NDUFA10: variants seen among roughly 807,000 people sequenced by gnomAD.
NDUFA10 encodes NADH dehydrogenase [ubiquinone] 1 alpha subcomplex subunit 10, mitochondrial.
NDUFA10 carries 40 observed loss-of-function variants against 47.8 expected under a neutral mutation model. The ratio of observed to expected loss-of-function variants is 0.84; its 90% confidence interval spans 0.65 to 1.09. The LOEUF (loss-of-function observed/expected upper bound fraction) is 1.09. Among genes scored for constraint, NDUFA10 ranks in the 50% least tolerant of loss-of-function variants. NDUFA10 has a pLI of 0.00. For missense variants in NDUFA10, 413 were observed against 451.1 expected (o/e 0.92, Z 0.76); for synonymous variants, 183 against 172.2 (o/e 1.06, Z -0.49).
At chr2:240,012,192 C>T (rs910516101) in intron 5 of NDUFA10, 3 of 195,290 alleles carry the variant, frequency 1.5e-5, no homozygotes, top group Non-Finnish European at 2.1e-5. Flanking sequence ...ACGGCTGTCA[C>T]CTCTCTCATC....
At chr2:239,892,998 C>G (rs1271264576) in intron 5 of NDUFA10, among the ~76,000 whole-genome samples, 1 of 152,132 alleles carries the variant, frequency 6.6e-6, no homozygotes, top group African/African-American at 2.4e-5. Context: ...TGGCCCTGAA[C>G]GCCTACGTGG....
At chr2:239,952,165 G>C (rs60935601) in intron 4 of NDUFA10, among the ~76,000 whole-genome samples, 1 of 152,068 alleles carries the variant, frequency 6.6e-6, no homozygotes, top group East Asian at 1.9e-4. Flanking sequence ...CCTGGAATGG[G>C]GGCTTGGTGG....
At chr2:239,988,581 G>A (rs768330224) in intron 9 of NDUFA10, among the ~76,000 whole-genome samples, 16 of 152,164 alleles carry the variant, frequency 1.1e-4, no homozygotes, top group Non-Finnish European at 1.6e-4. Context: ...AGAGGAAGCC[G>A]CCGAACAAGC....
At position 239,911,681 on chromosome 2, in the gene NDUFA10, G is replaced by A. The variant is rs143650850; in HGVS notation, c.295-16367C>T. On this transcript the variant is annotated intron_variant, in intron 4 of 5. Coordinates refer to the NDUFA10 transcript ENST00000419408. ...CCAAAACATGAGAGAGTGTGTGTGC[G>A]TGTGTGTGTGTGTGTGTCCTACTCC... 4.4e-3 allele frequency among the ~76,000 whole-genome samples: 639 copies of A among 143,852 alleles called. 3 individuals carry two copies. The highest frequency in any genetic ancestry group is 6.9e-3 in the Non-Finnish European group (461 of 66,414). The allele number at this position is 143,852 out of a possible 152,430, so 94.4% of individuals were successfully genotyped here. A position where few individuals can be genotyped will look rare whatever the true frequency, so the allele number is the denominator to read the frequency against.
At chr2:240,011,580 G>T in intron 6 of NDUFA10, 37 bp downstream of exon 6, 1 of 1,546,338 alleles carries the variant, frequency 6.5e-7, no homozygotes, top group Non-Finnish European at 8.9e-7. Flanking sequence ...TGGCGAAGAA[G>T]TTTTAGCCCT....
intron 4 of NDUFA10, among the ~76,000 whole-genome samples, chr2:240,015,443 A>T (rs939067613): frequency 6.6e-6 from 1 of 152,260 alleles, no homozygotes; most frequent in Admixed American, 6.5e-5. Flanking sequence ...GAACAGCTTT[A>T]AATACTTTAT....
chr2:240,000,843 T>C (rs1696680122), intron 8 of NDUFA10, among the ~76,000 whole-genome samples: 1 of 152,250 alleles, frequency 6.6e-6, no homozygotes, highest in Non-Finnish European at 1.5e-5. Context: ...AGCAACAGGC[T>C]CCACCACACC....
chr2:239,991,437 G>A (rs1306823669), intron 8 of NDUFA10, among the ~76,000 whole-genome samples: 2 of 152,168 alleles, frequency 1.3e-5, no homozygotes, highest in African/African-American at 4.8e-5. Flanking sequence ...CATACTTACA[G>A]ATAAGATCGT....
At chr2:239,919,049 G>A (rs1190746974) in intron 4 of NDUFA10, among the ~76,000 whole-genome samples, 2 of 152,216 alleles carry the variant, frequency 1.3e-5, no homozygotes, top group East Asian at 3.8e-4. Flanking sequence ...AGGGATGGGA[G>A]GTGGCACTTG....
At chr2:239,912,719 C>T (rs967031740) in intron 4 of NDUFA10, among the ~76,000 whole-genome samples, 18 of 152,338 alleles carry the variant, frequency 1.2e-4, no homozygotes, top group African/African-American at 2.4e-4. Context: ...ACCACCTCTC[C>T]GCCCAGGAGC....
rs138090665 is a variant in NDUFA10, at chr2:239,919,995, C to G, written c.295-24681G>C. Among the ~76,000 whole-genome samples the G allele has an allele frequency of 3.5e-3, 534 of 152,196 alleles. 4 individuals are homozygous for G. The highest frequency in any genetic ancestry group is 0.012 in the African/African-American group (499 of 41,534). ...ATTAAGGTGCAGTACTGTGTGTGCC[C>G]CAGCACCTGTGAGATTGGGGGCCCC... On this transcript the variant is annotated intron_variant, in intron 4 of 5. Transcript: ENST00000419408.
At chr2:240,018,470 C>T (rs1697459217) in intron 4 of NDUFA10, 83 bp downstream of exon 4, 1 of 1,611,996 alleles carries the variant, frequency 6.2e-7, no homozygotes, top group Non-Finnish European at 8.5e-7. Flanking sequence ...CATTCATAAA[C>T]ACAGTAAGTG....
intron 4 of NDUFA10, among the ~76,000 whole-genome samples, chr2:239,908,161 A>G (rs1559269457): frequency 6.6e-6 from 1 of 151,054 alleles, no homozygotes; most frequent in East Asian, 2.0e-4. Flanking sequence ...AAAACCAAAC[A>G]CTGCATGTTC....
chr2:239,901,192 G>A (rs1693542186), intron 4 of NDUFA10, among the ~76,000 whole-genome samples: 1 of 152,096 alleles, frequency 6.6e-6, no homozygotes, highest in Non-Finnish European at 1.5e-5. Context: ...ATGCTACATT[G>A]ACTCCGCCAT....
At chr2:239,986,703 T>C (rs1453272874) in intron 9 of NDUFA10, among the ~76,000 whole-genome samples, 1 of 152,164 alleles carries the variant, frequency 6.6e-6, no homozygotes. Context: ...AAATTATAAT[T>C]TGGCAATCAT....
rs749403742 is a variant in NDUFA10, at chr2:240,011,607, T to G, written c.749+10A>C. 6.2e-7 allele frequency: 1 copy of G among 1,603,396 alleles called. No individual in the cohort carries two copies. The highest frequency in any genetic ancestry group is 8.5e-7 in the Non-Finnish European group (1 of 1,170,190). On this transcript the variant is annotated intron_variant, in intron 6 of 9. Transcript: ENST00000252711. Reference sequence around the variant, plus strand: ...TTTAGCCCTGTAAATCAGTCGTGTGTTTGGCTCACCTCATCTCAGGGAGAA... The same window carrying G: ...TTTAGCCCTGTAAATCAGTCGTGTGGTTGGCTCACCTCATCTCAGGGAGAA...
At chr2:239,937,452 A>C (rs1438354491) in intron 4 of NDUFA10, among the ~76,000 whole-genome samples, 1 of 152,122 alleles carries the variant, frequency 6.6e-6, no homozygotes, top group East Asian at 1.9e-4. Context: ...ATGTCAAGTA[A>C]CTGGCATCAT....
In NDUFA10 at chr2:240,024,336, A is replaced by G. The variant is rs141758025; in HGVS notation, c.75+891T>C. On this transcript the variant is annotated intron_variant, in intron 1 of 9. Coordinates refer to ENST00000252711, the MANE Select transcript of NDUFA10 (RefSeq NM_004544.4). ...GAAGACATAAGTGAATCTTACATAGATATTTCCAAGTATTCAAGGCGTCTG... is the reference window on the plus strand; with the variant it reads ...GAAGACATAAGTGAATCTTACATAGGTATTTCCAAGTATTCAAGGCGTCTG... Among the ~76,000 whole-genome samples the G allele has an allele frequency of 1.3e-3, 204 of 152,368 alleles. 2 individuals carry two copies. In the South Asian group the frequency reaches 0.014, roughly 11 times the overall value.
chr2:239,953,739 C>T (rs1694602011), downstream of NDUFA10, among the ~76,000 whole-genome samples: 1 of 152,236 alleles, frequency 6.6e-6, no homozygotes, highest in South Asian at 2.1e-4. Context: ...GGCAGCCAGG[C>T]AGAGGCTTGT....
Sources: allele counts gnomAD v4.1 joint callset (sites outside exome capture counted in the v4.1 genomes callset), GRCh38; gene constraint gnomAD v4.1.1; transcripts MANE v1.5; gene names NCBI Gene and HGNC (gene_info 2026-07-23, HGNC 2026-07-21).